The following CDK5RAP2 variants were observed in gnomAD, a reference collection of about 807,000 sequenced individuals.
CDK5RAP2 encodes CDK5 regulatory subunit associated protein 2, also known as CDK5 regulatory subunit-associated protein 2.
CDK5RAP2 carries 147 observed loss-of-function variants against 232.9 expected under a neutral mutation model. The ratio of observed to expected loss-of-function variants is 0.63; its 90% CI spans 0.55 to 0.72. The LOEUF (loss-of-function observed/expected upper bound fraction) is 0.72, where lower values mean the gene tolerates loss of function less well. Among genes scored for constraint, CDK5RAP2 ranks in the 30% least tolerant of loss-of-function variants. The pLI, the probability that CDK5RAP2 is intolerant of heterozygous loss-of-function variation, is 0.00. For missense variants in CDK5RAP2, 2,195 were observed against 2,231.5 expected, an observed-to-expected ratio of 0.98 and a Z score of 0.33; for synonymous variants, 833 against 833.7, an observed-to-expected ratio of 1.00 and a Z score of 0.01.
intron 3 of CDK5RAP2, among the ~76,000 whole-genome samples, chr9:120,553,428 T>C (rs1050316553): frequency 2.0e-5 from 3 of 152,184 alleles, no homozygotes; most frequent in Admixed American, 2.0e-4. Context: ...CCTACCAACA[T>C]CCCCAGTTTC....
intron 17 of CDK5RAP2, 57 bp downstream of exon 17, chr9:120,470,054 A>G: frequency 1.1e-6 from 1 of 886,972 alleles, no homozygotes; most frequent in Non-Finnish European, 1.8e-6. Flanking sequence ...AACCCAAGAT[A>G]CAACAAACAA....
intron 5 of CDK5RAP2, among the ~76,000 whole-genome samples, chr9:120,545,012 TG>T (rs1443073025): frequency 1.3e-5 from 2 of 152,244 alleles, no homozygotes; most frequent in East Asian, 3.8e-4. Context: ...TTTGCTGAAC[TG>T]TGCTTGTTGT....
intron 12 of CDK5RAP2, among the ~76,000 whole-genome samples, chr9:120,514,445 C>T (rs2040232931): frequency 1.3e-5 from 2 of 152,166 alleles, no homozygotes; most frequent in African/African-American, 4.8e-5. Context: ...GTACATCACC[C>T]GTCTGGCCAT....
At chr9:120,417,009 G>C (rs1255099442) in intron 27 of CDK5RAP2, among the ~76,000 whole-genome samples, 1 of 152,216 alleles carries the variant, frequency 6.6e-6, no homozygotes, top group East Asian at 1.9e-4. Flanking sequence ...GTGGAATGTC[G>C]TAGCTCTCGC....
intron 25 of CDK5RAP2, among the ~76,000 whole-genome samples, chr9:120,436,292 C>T (rs1241199594): frequency 6.6e-6 from 1 of 152,060 alleles, no homozygotes; most frequent in Non-Finnish European, 1.5e-5. Flanking sequence ...AATCCCAAAG[C>T]GAGGGGCTAG....
chr9:120,549,359 T>TG, intron 4 of CDK5RAP2, among the ~76,000 whole-genome samples: 1 of 152,178 alleles, frequency 6.6e-6, no homozygotes, highest in East Asian at 1.9e-4. Context: ...GACACAAGGG[T>TG]GGAAGAGTGT....
At chr9:120,442,736 A>G (rs1378900785) in intron 23 of CDK5RAP2, among the ~76,000 whole-genome samples, 1 of 152,208 alleles carries the variant, frequency 6.6e-6, no homozygotes, top group Admixed American at 6.5e-5. Flanking sequence ...ATTGCCTGGT[A>G]GAGTAGCTTT....
At position 120,389,378 on chromosome 9, in the gene CDK5RAP2, G is replaced by A. The variant is rs1588203373; in HGVS notation, c.5626-86C>T. On this transcript the variant is annotated intron_variant, in intron 37 of 37. Coordinates refer to ENST00000349780, the MANE Select transcript of CDK5RAP2 (RefSeq NM_018249.6). ...CCCCGACAGAGGTGAAAGCGAGACT[G>A]TTATTCTCAAAGTGCTTTCAAAAAC... 5 of 1,065,778 alleles carry A rather than the reference G, an allele frequency of 4.7e-6. No homozygotes were observed. The East Asian group carries it at 1.3e-4, about 27-fold the overall frequency. The allele number at this position is 1,065,778 out of a possible 1,614,324, so 66.0% of individuals were successfully genotyped here.
At chr9:120,452,238 G>GTCTCTCTCTCTCTCTCTCTCTC (rs373806149) in intron 21 of CDK5RAP2, among the ~76,000 whole-genome samples, 5 of 142,856 alleles carry the variant, frequency 3.5e-5, no homozygotes, top group African/African-American at 1.3e-4. Flanking sequence ...TATAATGGCA[G>GTCTCTCTCTCTCTCTCTCTCTC]TCTCTCTCTC....
chr9:120,399,809 C>T (rs1217878135), intron 35 of CDK5RAP2, among the ~76,000 whole-genome samples: 1 of 152,166 alleles, frequency 6.6e-6, no homozygotes, highest in Non-Finnish European at 1.5e-5. Flanking sequence ...TTATCAACTT[C>T]CCTGAGCTTA....
At chr9:120,454,512 A>C (rs1035529283) in intron 20 of CDK5RAP2, among the ~76,000 whole-genome samples, 1 of 152,270 alleles carries the variant, frequency 6.6e-6, no homozygotes, top group Non-Finnish European at 1.5e-5. Flanking sequence ...TATGAGGATT[A>C]AACAAGATAG....
chr9:120,551,652 G>A (rs2042046351), intron 3 of CDK5RAP2, among the ~76,000 whole-genome samples: 1 of 152,142 alleles, frequency 6.6e-6, no homozygotes, highest in African/African-American at 2.4e-5. Context: ...AAATCTTAAT[G>A]GCAATCCTAA....
rs183553446 is a variant in CDK5RAP2, at chr9:120,555,385, G to A, written c.196-4483C>T. ...ACTCCTGACCTCAAGTGATCCGCCCGCCTTGGCCTCCCAAAGTGCTGGGAT... is the reference window on the plus strand; with the variant it reads ...ACTCCTGACCTCAAGTGATCCGCCCACCTTGGCCTCCCAAAGTGCTGGGAT... On this transcript the variant is annotated intron_variant, in intron 3 of 37. Transcript: ENST00000349780. 1.1e-4 allele frequency among the ~76,000 whole-genome samples: 16 copies of A among 151,546 alleles called. No homozygotes were observed. The East Asian group carries it at 2.3e-3, about 22-fold the overall frequency.
chr9:120,453,963 T>C, intron 20 of CDK5RAP2, 90 bp from the exon 21 acceptor site: 1 of 1,307,412 alleles, frequency 7.6e-7, no homozygotes, highest in Non-Finnish European at 1.1e-6. Flanking sequence ...CCCCACCTAC[T>C]GTTGCCCAGA....
intron 16 of CDK5RAP2, 129 bp from the exon 17 acceptor site, chr9:120,470,349 G>A: frequency 1.7e-6 from 1 of 604,694 alleles, no homozygotes; most frequent in Non-Finnish European, 3.0e-6. Context: ...GGGGCGGAAG[G>A]GAGCATAGTA....
chr9:120,425,686 T>G (rs544489328), intron 25 of CDK5RAP2, among the ~76,000 whole-genome samples: 1 of 152,368 alleles, frequency 6.6e-6, no homozygotes, highest in African/African-American at 2.4e-5. Context: ...CCATCAGTCC[T>G]ACAGAGTTAA....
At chr9:120,435,111 AC>A (rs990638297) in intron 25 of CDK5RAP2, among the ~76,000 whole-genome samples, 41 of 152,330 alleles carry the variant, frequency 2.7e-4, no homozygotes, top group African/African-American at 9.4e-4. Context: ...CAAATGACTA[AC>A]CCAACAACAG....
chr9:120,559,947 CCAA>C (rs1235861166), intron 3 of CDK5RAP2, among the ~76,000 whole-genome samples: 1 of 152,140 alleles, frequency 6.6e-6, no homozygotes, highest in African/African-American at 2.4e-5. Context: ...GGAAGAAAAA[CCAA>C]CAACATAAAA....
chr9:120,440,624 A>C (rs973695013), intron 23 of CDK5RAP2, among the ~76,000 whole-genome samples: 8 of 152,214 alleles, frequency 5.3e-5, no homozygotes, highest in Admixed American at 6.5e-5. Context: ...CTAAAGTAAA[A>C]ATTTTAAGTG....
Sources: allele counts gnomAD v4.1 joint callset (sites outside exome capture counted in the v4.1 genomes callset), GRCh38; gene constraint gnomAD v4.1.1; transcripts MANE v1.5; gene names NCBI Gene and HGNC (gene_info 2026-07-23, HGNC 2026-07-21).